OR4K1: variants seen among roughly 807,000 people sequenced by gnomAD.
OR4K1 encodes the protein olfactory receptor family 4 subfamily K member 1.
OR4K1 carries 16 observed loss-of-function variants against 14.4 expected under a neutral mutation model. The observed-to-expected ratio is 1.11, with a 90% CI of 0.75 to 1.68. The LOEUF is 1.68. Ranked by LOEUF, OR4K1 falls within the 40% of genes most tolerant of loss-of-function variation. The probability of loss-of-function intolerance (pLI) is 0.00; values close to 1 mark genes in which losing one functional copy is unlikely to be tolerated. For missense variants in OR4K1, 548 were observed against 376.9 expected, an observed-to-expected ratio of 1.45 and a Z score of -3.76; for synonymous variants, 181 against 133.1, an observed-to-expected ratio of 1.36 and a Z score of -2.48.
chr14:19,931,782 T>A (rs1226788722), intron 1 of OR4K1, among the ~76,000 whole-genome samples: 2 of 152,246 alleles, frequency 1.3e-5, no homozygotes, highest in Admixed American at 1.3e-4. Flanking sequence ...CTCTGAGGTA[T>A]AGTGGCAATG....
At chr14:19,932,676 A>G (rs1882211370) in intron 1 of OR4K1, among the ~76,000 whole-genome samples, 1 of 152,244 alleles carries the variant, frequency 6.6e-6, no homozygotes, top group South Asian at 2.1e-4. Flanking sequence ...CTACAAGTAT[A>G]CAACTTACTA....
intron 1 of OR4K1, among the ~76,000 whole-genome samples, chr14:19,932,689 AG>A (rs1439394410): frequency 2.6e-5 from 4 of 152,372 alleles, no homozygotes; most frequent in South Asian, 4.1e-4. Flanking sequence ...ACTTACTAGT[AG>A]TATAAACTTG....
chr14:19,933,802 G>A (rs1882240535), intron 1 of OR4K1, among the ~76,000 whole-genome samples: 1 of 152,296 alleles, frequency 6.6e-6, no homozygotes, highest in African/African-American at 2.4e-5. Context: ...TGCCAGGCAG[G>A]TCTTGAACTC....
chr14:19,922,877 G>T, the OR4K1 span, among the ~76,000 whole-genome samples: 1 of 152,128 alleles, frequency 6.6e-6, no homozygotes, highest in African/African-American at 2.4e-5. Context: ...TTTATCAGCT[G>T]TTCAAATGGC....
the OR4K1 span, among the ~76,000 whole-genome samples, chr14:19,922,647 C>G: frequency 7.8e-6 from 1 of 127,390 alleles, no homozygotes; most frequent in East Asian, 2.3e-4. Context: ...TCAGTTTTTA[C>G]ATGTACTCTT....
upstream of OR4K1, among the ~76,000 whole-genome samples, chr14:19,930,306 T>C (rs1282813919): frequency 6.6e-6 from 1 of 152,222 alleles, no homozygotes; most frequent in African/African-American, 2.4e-5. Context: ...CCTTCAATTT[T>C]TTTACTTAAA....
intron 1 of OR4K1, among the ~76,000 whole-genome samples, chr14:19,931,598 T>C (rs1267804615): frequency 2.0e-5 from 3 of 152,256 alleles, no homozygotes; most frequent in Non-Finnish European, 2.9e-5. Context: ...TCAAGTATTA[T>C]ACATTAAAAT....
In OR4K1 at chr14:19,935,748, T is replaced by A. The variant is rs1268048851; in HGVS notation, c.82T>A (p.Phe28Ile). ...SNSWGLQLFF[F>I]AIFSIVYVTS... Reference sequence around the variant, plus strand: ...TTCCTGGGGACTTCAACTTTTCTTTTTTGCCATCTTCTCTATAGTCTATGT... The same window carrying A: ...TTCCTGGGGACTTCAACTTTTCTTTATTGCCATCTTCTCTATAGTCTATGT... Residue 28 changes from phenylalanine (F) to isoleucine (I), a missense_variant, in exon 2 of 2, where the codon TTT becomes ATT. Physicochemically the swap from Phe to Ile is conservative, Grantham distance 21 (BLOSUM62 0). Transcript: ENST00000641172. 1 of 1,614,014 alleles carries A rather than the reference T, an allele frequency of 6.2e-7. No homozygotes were observed. Among genetic ancestry groups the A allele is most frequent in the East Asian group, 2.2e-5 (1 of 44,882 alleles).
chr14:19,920,545 C>T, the OR4K1 span: 1 of 1,512,560 alleles, frequency 6.6e-7, no homozygotes, highest in African/African-American at 1.4e-5. Context: ...AATTCAAATT[C>T]TGATTCCTTT....
upstream of OR4K1, among the ~76,000 whole-genome samples, chr14:19,927,715 T>A (rs1465710014): frequency 1.3e-5 from 2 of 152,232 alleles, no homozygotes; most frequent in East Asian, 1.9e-4. Context: ...GCAAATCAAC[T>A]GTATCACACC....
chr14:19,933,128 C>T (rs528353441), intron 1 of OR4K1, among the ~76,000 whole-genome samples: 52 of 151,662 alleles, frequency 3.4e-4, no homozygotes, highest in Admixed American at 2.0e-3. Context: ...AGTTTTTTTA[C>T]TGTAATTATA....
the OR4K1 span, among the ~76,000 whole-genome samples, chr14:19,923,629 GCAAAACAA>G: frequency 1.3e-5 from 2 of 152,158 alleles, no homozygotes; most frequent in African/African-American, 2.4e-5. Context: ...AATGTAACTT[GCAAAACAA>G]CAAATACTCT....
At chr14:19,930,503 G>A (rs1882162075), upstream of OR4K1, among the ~76,000 whole-genome samples, 1 of 152,218 alleles carries the variant, frequency 6.6e-6, no homozygotes, top group Non-Finnish European at 1.5e-5. Flanking sequence ...AATTACAAAT[G>A]GTAGAAACAG....
rs745782778 is a variant in OR4K1, at chr14:19,936,362, G to A, written c.696G>A (p.Gly232=). ...GTGTCCGATGCAGGTCCTCCAGTGG[G>A]TCATCTAAGGCTCTTTCTACATTAA... is the stretch of plus-strand genomic sequence containing the variant. ...LIGVRCRSSS[G]SSKALSTLTA... Residue 232 remains glycine, a synonymous_variant, in exon 2 of 2, where the codon GGG becomes GGA. Coordinates refer to ENST00000641172, the MANE Select transcript of OR4K1 (RefSeq NM_001004063.3). 12 of 1,614,100 alleles carry A rather than the reference G, an allele frequency of 7.4e-6. No homozygotes were observed. The African/African-American group carries it at 8.0e-5, about 11-fold the overall frequency.
At chr14:19,923,092 T>C in the OR4K1 span, among the ~76,000 whole-genome samples, 6 of 152,258 alleles carry the variant, frequency 3.9e-5, no homozygotes, top group African/African-American at 1.4e-4. Context: ...ATTTTGTACA[T>C]TTTGGGAGCT....
At chr14:19,934,557 G>A (rs758025878) in intron 1 of OR4K1, among the ~76,000 whole-genome samples, 3 of 152,234 alleles carry the variant, frequency 2.0e-5, no homozygotes, top group Non-Finnish European at 2.9e-5. Flanking sequence ...TTTGTTAAAA[G>A]GTTGAAAGGA....
At chr14:19,924,956 T>C in the OR4K1 span, among the ~76,000 whole-genome samples, 1 of 152,148 alleles carries the variant, frequency 6.6e-6, no homozygotes, top group East Asian at 1.9e-4. Context: ...GTTTAAAATA[T>C]AAAAAATAGA....
the OR4K1 span, among the ~76,000 whole-genome samples, chr14:19,920,332 T>C: frequency 2.0e-5 from 3 of 152,334 alleles, no homozygotes; most frequent in South Asian, 2.1e-4. Context: ...TTTCCTACTG[T>C]ATAAAAGACA....
At chr14:19,921,389 CTT>C in the OR4K1 span, 51 of 1,614,012 alleles carry the variant, frequency 3.2e-5, no homozygotes, top group Non-Finnish European at 3.8e-5. Context: ...ATGTGTGGCC[CTT>C]TACCATCTCT....
Sources: allele counts gnomAD v4.1 joint callset (sites outside exome capture counted in the v4.1 genomes callset), GRCh38; gene constraint gnomAD v4.1.1; transcripts MANE v1.5; gene names NCBI Gene and HGNC (gene_info 2026-07-23, HGNC 2026-07-21).